The following ACSS1 variants were observed in gnomAD, a reference collection of about 807,000 sequenced individuals.
ACSS1 encodes the protein acyl-CoA synthetase short chain family member 1, also known as acetyl-coenzyme A synthetase 2-like, mitochondrial.
ACSS1 carries 42 observed loss-of-function variants against 75.3 expected under a neutral mutation model. The observed-to-expected ratio is 0.56, with a 90% CI of 0.44 to 0.72. ACSS1 has a LOEUF of 0.72. ACSS1 is among the 30% of genes least tolerant of loss of function. The pLI is 0.00. For synonymous variants in ACSS1, 380 were observed against 376.8 expected, an observed-to-expected ratio of 1.01 and a Z score of -0.10; for missense variants, 782 against 935.7, an observed-to-expected ratio of 0.84 and a Z score of 2.14.
In ACSS1 at chr20:25,017,088, GC is replaced by G. The variant is rs540152311; in HGVS notation, c.1247-1859del. Among the ~76,000 whole-genome samples, 25 of 152,048 alleles carry G rather than the reference GC, an allele frequency of 1.6e-4. No individual in the cohort carries two copies. In the East Asian group the frequency reaches 4.4e-3, roughly 27 times the overall value. On this transcript the variant is annotated intron_variant, in intron 7 of 13. Coordinates refer to ENST00000323482, the MANE Select transcript of ACSS1 (RefSeq NM_032501.4). The stretch of plus-strand genomic sequence containing the variant: ...GCTCACTGCAACCTCGACTTCTGGG[GC>G]TCAAGGATCCTCCCATCTCAGCCTC...
At chr20:25,017,270 C>T (rs1376451547) in intron 7 of ACSS1, among the ~76,000 whole-genome samples, 1 of 152,192 alleles carries the variant, frequency 6.6e-6, no homozygotes, top group Non-Finnish European at 1.5e-5. Context: ...AAATACAAAT[C>T]TAGGGGGAAT....
At chr20:25,034,916 G>T (rs1294401289) in intron 2 of ACSS1, among the ~76,000 whole-genome samples, 2 of 150,936 alleles carry the variant, frequency 1.3e-5, no homozygotes, top group African/African-American at 4.9e-5. Context: ...TTTTTGAGAT[G>T]GAGTCTCGCT....
chr20:25,030,635 T>A (rs543344875), intron 3 of ACSS1, 124 bp downstream of exon 3: 67 of 1,115,482 alleles, frequency 6.0e-5, no homozygotes, highest in Admixed American at 2.0e-4. Context: ...CCTAGTACGA[T>A]CTGTCATTTG....
At chr20:25,042,104 C>G (rs1028695185) in intron 2 of ACSS1, among the ~76,000 whole-genome samples, 3 of 152,182 alleles carry the variant, frequency 2.0e-5, no homozygotes, top group Non-Finnish European at 2.9e-5. Flanking sequence ...ACAAAGAGGT[C>G]TCTGTGGACA....
At chr20:25,032,427 G>C in intron 2 of ACSS1, 1 of 1,391,352 alleles carries the variant, frequency 7.2e-7, no homozygotes, top group African/African-American at 1.5e-5. Context: ...CTTTCCTTTC[G>C]GCGCCTCATC....
At chr20:25,040,768 C>T (rs1288686303) in intron 2 of ACSS1, among the ~76,000 whole-genome samples, 2 of 152,208 alleles carry the variant, frequency 1.3e-5, no homozygotes, top group Non-Finnish European at 2.9e-5. Context: ...ACCCAAACCA[C>T]CCAGCCCCAG....
intron 7 of ACSS1, among the ~76,000 whole-genome samples, chr20:25,018,552 G>A (rs2088560807): frequency 6.6e-6 from 1 of 152,146 alleles, no homozygotes; most frequent in Admixed American, 6.5e-5. Flanking sequence ...ACAGACTCTA[G>A]AACCAAGTGC....
intron 1 of ACSS1, among the ~76,000 whole-genome samples, chr20:25,055,234 G>A (rs1031472616): frequency 3.3e-5 from 5 of 152,220 alleles, no homozygotes; most frequent in African/African-American, 1.2e-4. Context: ...ATATAAAATT[G>A]TTGTTATCTT....
chr20:25,028,777 C>T lies in ACSS1; in HGVS notation c.631+1982G>A, dbSNP rs572077304. 2.8e-3 allele frequency among the ~76,000 whole-genome samples: 421 copies of T among 152,134 alleles called. 2 individuals carry two copies. The highest frequency in any genetic ancestry group is 9.5e-3 in the African/African-American group (396 of 41,498). ...TCTACTAAAACTACAAAAATTAGCT[C>T]GATGCAGTGGCACGTGCCTGTAATC... On this transcript the variant is annotated intron_variant, in intron 3 of 13. Coordinates refer to ENST00000323482, the MANE Select transcript of ACSS1 (RefSeq NM_032501.4).
intron 2 of ACSS1, among the ~76,000 whole-genome samples, chr20:25,042,516 G>A (rs557668961): frequency 4.2e-4 from 64 of 152,270 alleles, no homozygotes; most frequent in African/African-American, 1.5e-3. Context: ...GTCACACACG[G>A]GTCAACGAGG....
At chr20:25,047,421 C>G (rs1346546569) in intron 2 of ACSS1, among the ~76,000 whole-genome samples, 3 of 152,192 alleles carry the variant, frequency 2.0e-5, no homozygotes, top group African/African-American at 7.2e-5. Flanking sequence ...CAGTGGCCAC[C>G]CAGCCACACT....
At chr20:25,036,952 C>CA (rs376184330) in intron 2 of ACSS1, among the ~76,000 whole-genome samples, 32,051 of 86,600 alleles carry the variant, frequency 0.37, 4,114 homozygotes, top group Middle Eastern at 0.45. Context: ...TAGACTCTGT[C>CA]AAAAAAAAAA....
At chr20:25,057,101 G>A (rs900894812) in intron 1 of ACSS1, among the ~76,000 whole-genome samples, 1 of 152,054 alleles carries the variant, frequency 6.6e-6, no homozygotes, top group Admixed American at 6.5e-5. Flanking sequence ...TCCAAAGCAG[G>A]CCCCAGGTCG....
At position 25,022,417 on chromosome 20, in the gene ACSS1, C is replaced by G. The variant is rs527744464; in HGVS notation, c.960+523G>C. Among the ~76,000 whole-genome samples, 11 of 152,184 alleles carry G rather than the reference C, an allele frequency of 7.2e-5. No individual in the cohort carries two copies. In the South Asian group the frequency reaches 2.3e-3, roughly 32 times the overall value. On this transcript the variant is annotated intron_variant, in intron 5 of 13. Transcript: ENST00000323482. ...AAAGAAAAAACAATATTTTAATTGGCAACAGTAAGCTACAGTGCCCACGGA... is the reference window on the plus strand; with the variant it reads ...AAAGAAAAAACAATATTTTAATTGGGAACAGTAAGCTACAGTGCCCACGGA...
chr20:25,033,049 G>A (rs1361075717), intron 2 of ACSS1, among the ~76,000 whole-genome samples: 1 of 152,208 alleles, frequency 6.6e-6, no homozygotes, highest in Admixed American at 6.5e-5. Flanking sequence ...AAAACCCCCA[G>A]CACCAAGCTC....
At chr20:25,046,656 C>A (rs1426035124) in intron 2 of ACSS1, 7 of 622,210 alleles carry the variant, frequency 1.1e-5, no homozygotes, top group Non-Finnish European at 1.8e-5. Flanking sequence ...GGGGCAGCAG[C>A]CTCAAGTTCC....
At position 25,013,531 on chromosome 20, in the gene ACSS1, C is replaced by A; in HGVS notation, c.1579+5G>T. 1 of 1,585,178 alleles carries A rather than the reference C, an allele frequency of 6.3e-7. No individual in the cohort carries two copies. The highest frequency in any genetic ancestry group is 8.6e-7 in the Non-Finnish European group (1 of 1,159,464). ...GAATGAGAGGGTCCCTGACAGCCTG[C>A]TCACCTGGGTAGGCCTTGAAGTAGG... On this transcript the variant is annotated splice_donor_5th_base_variant and intron_variant, in intron 10 of 13. Coordinates refer to ENST00000323482, the MANE Select transcript of ACSS1 (RefSeq NM_032501.4).
chr20:25,042,475 C>A (rs2089020250), intron 2 of ACSS1, among the ~76,000 whole-genome samples: 1 of 152,202 alleles, frequency 6.6e-6, no homozygotes. Flanking sequence ...CCACAGACCA[C>A]ACCGAGTTTG....
chr20:25,007,337 G>A lies in ACSS1; in HGVS notation c.*425C>T. 9.3e-7 allele frequency: 1 copy of A among 1,072,768 alleles called. No individual in the cohort carries two copies. The highest frequency in any genetic ancestry group is 1.1e-6 in the Non-Finnish European group (1 of 885,162). The allele number at this position is 1,072,768 out of a possible 1,614,324, so 66.5% of individuals were successfully genotyped here. A position where few individuals can be genotyped will look rare whatever the true frequency, so the allele number is the denominator to read the frequency against. On this transcript the variant is annotated 3_prime_UTR_variant, in exon 14 of 14. Transcript: ENST00000323482. ...CATGCTGTTCTTCCACAATATAAAA[G>A]TATAAAAATAAGATTTCTGACCTTT...
Sources: allele counts gnomAD v4.1 joint callset (sites outside exome capture counted in the v4.1 genomes callset), GRCh38; gene constraint gnomAD v4.1.1; transcripts MANE v1.5; gene names NCBI Gene and HGNC (gene_info 2026-07-23, HGNC 2026-07-21).